Variants in SMIM38 observed in about 807,000 individuals in gnomAD.
SMIM38 encodes small integral membrane protein 38.
At chr11:69,157,009 C>T (rs1410991471) in intron 1 of SMIM38, among the ~76,000 whole-genome samples, 165 bp from the exon 2 acceptor site, 6 of 152,316 alleles carry the variant, frequency 3.9e-5, no homozygotes. Flanking sequence ...GGGGGTCCAC[C>T]GGTCCCCTTC....
intron 1 of SMIM38, among the ~76,000 whole-genome samples, chr11:69,156,613 C>T (rs894460226): frequency 1.1e-4 from 15 of 130,696 alleles, no homozygotes; most frequent in Admixed American, 6.0e-4. Flanking sequence ...TGTGTGTGCG[C>T]GCGTGTGGCA....
rs1857010074 is a variant in SMIM38 at position 69,157,922 on chromosome 11, C to T, written c.76C>T (p.Leu26Phe). 2.5e-6 allele frequency: 1 copy of T among 399,268 alleles called. No individual in the cohort carries two copies. Among genetic ancestry groups the T allele is most frequent in the East Asian group, 3.6e-5 (1 of 28,086 alleles). 24.7% of individuals were successfully genotyped at this position (399,268 alleles called of 1,614,324 possible). A position where few individuals can be genotyped will look rare whatever the true frequency, so the allele number is the denominator to read the frequency against. The change falls in exon 2 of 3, where the codon CTC becomes TTC. Residue 26 changes from leucine to phenylalanine, a missense_variant. By Grantham distance (22) the Leu-to-Phe change is conservative. Transcript: ENST00000686237. ...GCTGGTGGTGATCCTGCTAGCACGC[C>T]TCATCCTGTGGTCCTGCCTCGGGAC... ...ALLVVILLAR[L>F]ILWSCLGTYI...
rs1213774067 is a variant in SMIM38 at position 69,162,141 on chromosome 11, CAG to C, written c.*4047_*4048del. 2.0e-5 allele frequency: 3 copies of C among 152,182 alleles called. No individual in the cohort carries two copies. Among genetic ancestry groups the C allele is most frequent in the Non-Finnish European group, 4.4e-5 (3 of 68,040 alleles). The allele number at this position is 152,182 out of a possible 1,614,324, so 9.4% of individuals were successfully genotyped here. A position where few individuals can be genotyped will look rare whatever the true frequency, so the allele number is the denominator to read the frequency against. ...AGTGCTTGCAGTATTCAAGGCACCACAGATACAATGTTGAATAAGGCAAAGCA... is the reference window on the plus strand; with the variant it reads ...AGTGCTTGCAGTATTCAAGGCACCACATACAATGTTGAATAAGGCAAAGCA... On this transcript the variant is annotated 3_prime_UTR_variant, in exon 3 of 3. Transcript: ENST00000686237.
rs1241918765 is a variant in SMIM38, at chr11:69,159,019, G to A, written c.*1017G>A. ...AACTGTGAGATGGAAGGGACTGTGG[G>A]CGGCAGCTCCAGGGAGGAGCATCGA... On this transcript the variant is annotated 3_prime_UTR_variant, in exon 2 of 3. Transcript: ENST00000686237. 1.3e-5 allele frequency: 2 copies of A among 152,304 alleles called. No individual in the cohort carries two copies. Among genetic ancestry groups the A allele is most frequent in the African/African-American group, 4.8e-5 (2 of 41,478 alleles). 9.4% of individuals were successfully genotyped at this position (152,304 alleles called of 1,614,324 possible).
At position 69,159,777 on chromosome 11, in the gene SMIM38, T is replaced by G. The variant is rs571720769; in HGVS notation, c.*1681T>G. On this transcript the variant is annotated 3_prime_UTR_variant, in exon 3 of 3. Coordinates refer to ENST00000686237, the MANE Select transcript of SMIM38 (RefSeq NM_001369201.2). The stretch of plus-strand genomic sequence containing the variant: ...GAATATTCTCGCCTGATCGTAGGAT[T>G]GTGGGGAGGGATATTCTCATTGATC... The G allele has an allele frequency of 1.9e-4, 29 of 152,278 alleles. No individual in the cohort carries two copies. The highest frequency in any genetic ancestry group is 1.7e-3 in the East Asian group (9 of 5,170). 9.4% of individuals were successfully genotyped at this position (152,278 alleles called of 1,614,324 possible).
chr11:69,157,898 C>A lies in SMIM38; in HGVS notation c.52C>A (p.Leu18Met). Residue 18 changes from leucine (L) to methionine (M), a missense_variant, in exon 2 of 3, where the codon CTG becomes ATG. Physicochemically the swap from Leu to Met is conservative, Grantham distance 15. Coordinates refer to ENST00000686237, the MANE Select transcript of SMIM38 (RefSeq NM_001369201.2). ...TGGCCCTGACCCGCTCCTGGCCCTGCTGGTGGTGATCCTGCTAGCACGCCT... is the reference window on the plus strand; with the variant it reads ...TGGCCCTGACCCGCTCCTGGCCCTGATGGTGGTGATCCTGCTAGCACGCCT... ...SFGPDPLLAL[L>M]VVILLARLIL... 1 of 399,188 alleles carries A rather than the reference C, an allele frequency of 2.5e-6. No individual in the cohort carries two copies. The highest frequency in any genetic ancestry group is 4.4e-5 in the Admixed American group (1 of 22,748). 24.7% of individuals were successfully genotyped at this position (399,188 alleles called of 1,614,324 possible).
Position 69,161,697 on chromosome 11 carries a change from A to T in SMIM38, c.*3601A>T, listed in dbSNP as rs1857055241. ...GTAGCCCATGGAACGGAGACAGTGA[A>T]GAATTGATGGATAAATGAATAATGA... On this transcript the variant is annotated 3_prime_UTR_variant, in exon 3 of 3. Coordinates refer to ENST00000686237, the MANE Select transcript of SMIM38 (RefSeq NM_001369201.2). 1 of 152,222 alleles carries T rather than the reference A, an allele frequency of 6.6e-6. No individual in the cohort carries two copies. Among genetic ancestry groups the T allele is most frequent in the African/African-American group, 2.4e-5 (1 of 41,450 alleles). 9.4% of individuals were successfully genotyped at this position (152,222 alleles called of 1,614,324 possible). A position where few individuals can be genotyped will look rare whatever the true frequency, so the allele number is the denominator to read the frequency against.
In SMIM38 at chr11:69,159,814, T is replaced by C. The variant is rs1283051816; in HGVS notation, c.*1718T>C. On this transcript the variant is annotated 3_prime_UTR_variant, in exon 3 of 3. Coordinates refer to ENST00000686237, the MANE Select transcript of SMIM38 (RefSeq NM_001369201.2). Reference sequence around the variant, plus strand: ...TATTCTCATTGATCTCTAAGGAAAATATTGTTCGCTTTTTAAAAACATGAT... The same window carrying C: ...TATTCTCATTGATCTCTAAGGAAAACATTGTTCGCTTTTTAAAAACATGAT... 1 of 152,104 alleles carries C rather than the reference T, an allele frequency of 6.6e-6. No homozygotes were observed. Among genetic ancestry groups the C allele is most frequent in the African/African-American group, 2.4e-5 (1 of 41,392 alleles). The allele number at this position is 152,104 out of a possible 1,614,324, so 9.4% of individuals were successfully genotyped here.
At position 69,157,699 on chromosome 11, in the gene SMIM38, C is replaced by T. The variant is rs1011925727; in HGVS notation, c.-148C>T. 1.0e-5 allele frequency: 4 copies of T among 396,608 alleles called. No homozygotes were observed. Among genetic ancestry groups the T allele is most frequent in the African/African-American group, 6.2e-5 (3 of 48,598 alleles). The allele number at this position is 396,608 out of a possible 1,614,324, so 24.6% of individuals were successfully genotyped here. The stretch of plus-strand genomic sequence containing the variant: ...GAACAGGGCGGTCCCTTGGGGGCGC[C>T]GGCTGCAGAGGCCCCAGGCTGGACG... On this transcript the variant is annotated 5_prime_UTR_variant, in exon 2 of 3. Coordinates refer to ENST00000686237, the MANE Select transcript of SMIM38 (RefSeq NM_001369201.2).
rs1857041241 is a variant in SMIM38 at position 69,160,296 on chromosome 11, C to T, written c.*2200C>T. The T allele has an allele frequency of 6.6e-6, 1 of 152,092 alleles. No homozygotes were observed. Among genetic ancestry groups the T allele is most frequent in the African/African-American group, 2.4e-5 (1 of 41,392 alleles). 9.4% of individuals were successfully genotyped at this position (152,092 alleles called of 1,614,324 possible). ...CCGCCTCTGGGGCTCAAGCAATTCT[C>T]CTGCCTCAGCCTCCCGAGTAGCTGG... On this transcript the variant is annotated 3_prime_UTR_variant, in exon 3 of 3. Transcript: ENST00000686237.
chr11:69,161,049 G>A lies in SMIM38; in HGVS notation c.*2953G>A, dbSNP rs1370731032. 1 of 152,194 alleles carries A rather than the reference G, an allele frequency of 6.6e-6. No individual in the cohort carries two copies. The allele number at this position is 152,194 out of a possible 1,614,324, so 9.4% of individuals were successfully genotyped here. ...TCAGACCCTGACATATTTCTGCTCT[G>A]CTACCCTCAGCATGTAGATTTGATC... On this transcript the variant is annotated 3_prime_UTR_variant, in exon 3 of 3. Coordinates refer to ENST00000686237, the MANE Select transcript of SMIM38 (RefSeq NM_001369201.2).
chr11:69,159,830 A>G lies in SMIM38; in HGVS notation c.*1734A>G, dbSNP rs1296185625. On this transcript the variant is annotated 3_prime_UTR_variant, in exon 3 of 3. Coordinates refer to ENST00000686237, the MANE Select transcript of SMIM38 (RefSeq NM_001369201.2). ...TAAGGAAAATATTGTTCGCTTTTTA[A>G]AAACATGATCTGGTACCATTTCATT... 1 of 152,190 alleles carries G rather than the reference A, an allele frequency of 6.6e-6. No individual in the cohort carries two copies. The highest frequency in any genetic ancestry group is 1.5e-5 in the Non-Finnish European group (1 of 68,040). 9.4% of individuals were successfully genotyped at this position (152,190 alleles called of 1,614,324 possible).
At position 69,161,061 on chromosome 11, in the gene SMIM38, A is replaced by C. The variant is rs991705086; in HGVS notation, c.*2965A>C. 1 of 152,218 alleles carries C rather than the reference A, an allele frequency of 6.6e-6. No individual in the cohort carries two copies. The highest frequency in any genetic ancestry group is 1.5e-5 in the Non-Finnish European group (1 of 68,040). The allele number at this position is 152,218 out of a possible 1,614,324, so 9.4% of individuals were successfully genotyped here. ...ATATTTCTGCTCTGCTACCCTCAGC[A>C]TGTAGATTTGATCTTCACGGCTACA... On this transcript the variant is annotated 3_prime_UTR_variant, in exon 3 of 3. Transcript: ENST00000686237.
Position 69,160,097 on chromosome 11 carries a change from G to T in SMIM38, c.*2001G>T, listed in dbSNP as rs545328573. ...TTGTGTAAACCTGTGTGTGGCCTGC[G>T]TGTCCACATGGGTGTGTAGGATGGC... On this transcript the variant is annotated 3_prime_UTR_variant, in exon 3 of 3. Coordinates refer to ENST00000686237, the MANE Select transcript of SMIM38 (RefSeq NM_001369201.2). 1 of 152,244 alleles carries T rather than the reference G, an allele frequency of 6.6e-6. No individual in the cohort carries two copies. Among genetic ancestry groups the T allele is most frequent in the East Asian group, 1.9e-4 (1 of 5,186 alleles). 9.4% of individuals were successfully genotyped at this position (152,244 alleles called of 1,614,324 possible). A position where few individuals can be genotyped will look rare whatever the true frequency, so the allele number is the denominator to read the frequency against.
Position 69,158,002 on chromosome 11 carries a change from AGCCTCTGCAGGCTGCG to A in SMIM38, c.*6_*21del, listed in dbSNP as rs1480750567. 2 of 398,804 alleles carry A rather than the reference AGCCTCTGCAGGCTGCG, an allele frequency of 5.0e-6. No homozygotes were observed. The highest frequency in any genetic ancestry group is 7.1e-5 in the East Asian group (2 of 28,070). The allele number at this position is 398,804 out of a possible 1,614,324, so 24.7% of individuals were successfully genotyped here. A position where few individuals can be genotyped will look rare whatever the true frequency, so the allele number is the denominator to read the frequency against. On this transcript the variant is annotated 3_prime_UTR_variant, in exon 2 of 3. Transcript: ENST00000686237. ...GGCCCCAGAAACCCAAGCAGGACTAAGCCTCTGCAGGCTGCGGCCTCCACGCGCCCTGTCCCGAGAC... is the reference window on the plus strand; with the variant it reads ...GGCCCCAGAAACCCAAGCAGGACTAAGCCTCCACGCGCCCTGTCCCGAGAC...
Position 69,161,322 on chromosome 11 carries a change from T to C in SMIM38, c.*3226T>C, listed in dbSNP as rs1857052557. On this transcript the variant is annotated 3_prime_UTR_variant, in exon 3 of 3. Transcript: ENST00000686237. ...TTGTTATAAAGAAACAGAGGCAAAA[T>C]GGCGATCAGGCAGGCAACTGGGTGG... The C allele has an allele frequency of 6.6e-6, 1 of 152,250 alleles. No homozygotes were observed. Among genetic ancestry groups the C allele is most frequent in the East Asian group, 1.9e-4 (1 of 5,202 alleles). The allele number at this position is 152,250 out of a possible 1,614,324, so 9.4% of individuals were successfully genotyped here.
Position 69,160,285 on chromosome 11 carries a change from C to T in SMIM38, c.*2189C>T, listed in dbSNP as rs1857041014. The stretch of plus-strand genomic sequence containing the variant: ...CACTGCAACCTCCGCCTCTGGGGCT[C>T]AAGCAATTCTCCTGCCTCAGCCTCC... On this transcript the variant is annotated 3_prime_UTR_variant, in exon 3 of 3. Transcript: ENST00000686237. The T allele has an allele frequency of 6.6e-6, 1 of 151,822 alleles. No individual in the cohort carries two copies. Among genetic ancestry groups the T allele is most frequent in the South Asian group, 2.1e-4 (1 of 4,832 alleles). The allele number at this position is 151,822 out of a possible 1,614,324, so 9.4% of individuals were successfully genotyped here.
rs1857025425 is a variant in SMIM38 at position 69,159,026 on chromosome 11, C to T, written c.*1024C>T. 2 of 152,302 alleles carry T rather than the reference C, an allele frequency of 1.3e-5. No individual in the cohort carries two copies. The highest frequency in any genetic ancestry group is 2.9e-5 in the Non-Finnish European group (2 of 68,094). The allele number at this position is 152,302 out of a possible 1,614,324, so 9.4% of individuals were successfully genotyped here. On this transcript the variant is annotated 3_prime_UTR_variant, in exon 2 of 3. Transcript: ENST00000686237. The stretch of plus-strand genomic sequence containing the variant: ...AGATGGAAGGGACTGTGGGCGGCAG[C>T]TCCAGGGAGGAGCATCGAACCAGAT...
Position 69,158,303 on chromosome 11 carries a change from C to T in SMIM38, c.*301C>T. The T allele has an allele frequency of 3.8e-6, 1 of 261,502 alleles. No homozygotes were observed. Among genetic ancestry groups the T allele is most frequent in the Non-Finnish European group, 7.2e-6 (1 of 139,508 alleles). The allele number at this position is 261,502 out of a possible 1,614,324, so 16.2% of individuals were successfully genotyped here. On this transcript the variant is annotated 3_prime_UTR_variant, in exon 2 of 3. Transcript: ENST00000686237. ...GGTCTTGCTTTAAGACCTTCTCTGC[C>T]TCCAATTCCTTATAAATATGCCTGC...
Sources: gnomAD v4.1 joint callset for allele counts (sites outside exome capture counted in the v4.1 genomes callset) on GRCh38, gnomAD v4.1.1 for gene constraint, MANE v1.5 for transcripts, NCBI Gene and HGNC (gene_info 2026-07-23, HGNC 2026-07-21) for gene names.